Variants in CHST9 observed in about 807,000 individuals in gnomAD.
CHST9 encodes carbohydrate sulfotransferase 9.
Under a neutral mutation model 44.4 loss-of-function variants are expected in CHST9, and 41 were observed. The ratio of observed to expected loss-of-function variants is 0.92; its 90% confidence interval spans 0.72 to 1.20. CHST9 has a LOEUF of 1.20. Among genes scored for constraint, CHST9 ranks in the 50% most tolerant of loss-of-function variants. The pLI is 0.00. For missense variants in CHST9, 504 were observed against 516.5 expected (o/e 0.98, Z 0.23); for synonymous variants, 171 against 178.4 (o/e 0.96, Z 0.33).
chr18:27,089,942 C>T (rs553874365), intron 2 of CHST9, among the ~76,000 whole-genome samples: 1 of 151,880 alleles, frequency 6.6e-6, no homozygotes, highest in Non-Finnish European at 1.5e-5. Flanking sequence ...TCCCCAGTAG[C>T]TGGGACTACA....
chr18:26,971,836 TATGGATAGCTCCCAC>T (rs2056548111), intron 4 of CHST9, among the ~76,000 whole-genome samples: 1 of 151,204 alleles, frequency 6.6e-6, no homozygotes, highest in African/African-American at 2.4e-5. Flanking sequence ...CTCCCACGGC[TATGGATAGCTCCCAC>T]GACTCCCCAC....
At chr18:26,933,160 C>A (rs2055912328) in intron 5 of CHST9, 1 of 153,718 alleles carries the variant, frequency 6.5e-6, no homozygotes, top group South Asian at 2.1e-4. Flanking sequence ...CCAGTTCAGC[C>A]CAGTAACTTG....
chr18:27,111,336 G>C (rs1222381788), intron 2 of CHST9, among the ~76,000 whole-genome samples: 2 of 152,078 alleles, frequency 1.3e-5, no homozygotes, highest in African/African-American at 4.8e-5. Flanking sequence ...GACCTTACAG[G>C]GTTTTGGAAA....
chr18:26,989,711 ATCC>A (rs1477181629), intron 4 of CHST9, among the ~76,000 whole-genome samples: 1 of 152,206 alleles, frequency 6.6e-6, no homozygotes, highest in Non-Finnish European at 1.5e-5. Flanking sequence ...CATGCCTGTA[ATCC>A]CAGCACTTTT....
At chr18:27,088,535 C>T (rs891534996) in intron 2 of CHST9, among the ~76,000 whole-genome samples, 2 of 151,990 alleles carry the variant, frequency 1.3e-5, no homozygotes, top group Admixed American at 6.6e-5. Flanking sequence ...GCTGGGACTA[C>T]AGGCACGTGC....
chr18:27,009,936 G>A (rs426248), intron 4 of CHST9, among the ~76,000 whole-genome samples: 1 of 152,130 alleles, frequency 6.6e-6, no homozygotes. Context: ...GGTAAAACCA[G>A]AAGGCATAGT....
At chr18:27,061,952 A>T (rs1817607) in intron 2 of CHST9, among the ~76,000 whole-genome samples, 50,485 of 152,004 alleles carry the variant, frequency 0.33, 9,705 homozygotes, top group Non-Finnish European at 0.45. Flanking sequence ...AGGCACCAAA[A>T]CATCCACAAA....
At chr18:27,057,245 T>C (rs953379292) in intron 2 of CHST9, among the ~76,000 whole-genome samples, 8 of 152,222 alleles carry the variant, frequency 5.3e-5, no homozygotes, top group Non-Finnish European at 1.0e-4. Flanking sequence ...AAAGAAATTA[T>C]GCAAACAGGG....
chr18:27,069,714 C>CT (rs1030569730), intron 2 of CHST9, among the ~76,000 whole-genome samples: 1 of 152,114 alleles, frequency 6.6e-6, no homozygotes, highest in Non-Finnish European at 1.5e-5. Context: ...TTCATTGTGA[C>CT]TTTTTTGAAT....
chr18:27,030,865 C>T (rs1033491325), intron 3 of CHST9, among the ~76,000 whole-genome samples: 1 of 152,208 alleles, frequency 6.6e-6, no homozygotes, highest in Non-Finnish European at 1.5e-5. Flanking sequence ...ATTCCCTCAC[C>T]TTCACCTATA....
Position 26,916,743 on chromosome 18 carries a change from A to G in CHST9, c.848T>C (p.Met283Thr), listed in dbSNP as rs2055533458. Residue 283 changes from methionine (M) to threonine (T), a missense_variant, in exon 6 of 6, where the codon ATG becomes ACG. Coordinates refer to ENST00000618847, the MANE Select transcript of CHST9 (RefSeq NM_031422.6). ...YTKAVFVRDP[M>T]ERLVSAFRDK... Reference sequence around the variant, plus strand: ...CCTAAAGGCTGATACTAATCTTTCCATGGGATCACGAACAAACACAGCTTT... The same window carrying G: ...CCTAAAGGCTGATACTAATCTTTCCGTGGGATCACGAACAAACACAGCTTT... 1 of 1,613,932 alleles carries G rather than the reference A, an allele frequency of 6.2e-7. No individual in the cohort carries two copies. The highest frequency in any genetic ancestry group is 8.5e-7 in the Non-Finnish European group (1 of 1,179,862).
At position 27,048,454 on chromosome 18, in the gene CHST9, C is replaced by G. The variant is rs1216877514; in HGVS notation, c.160+11G>C. The G allele has an allele frequency of 6.2e-7, 1 of 1,602,496 alleles. No individual in the cohort carries two copies. Among genetic ancestry groups the G allele is most frequent in the Admixed American group, 1.7e-5 (1 of 58,526 alleles). On this transcript the variant is annotated intron_variant, in intron 3 of 5. Transcript: ENST00000618847. Reference sequence around the variant, plus strand: ...GGAAATAAAGCTGGAGCCCATTGGACAAAATCTTACCTGAAGTTACTTTTT... The same window carrying G: ...GGAAATAAAGCTGGAGCCCATTGGAGAAAATCTTACCTGAAGTTACTTTTT...
chr18:27,094,675 T>C (rs916049498), intron 2 of CHST9, among the ~76,000 whole-genome samples: 5 of 152,216 alleles, frequency 3.3e-5, no homozygotes, highest in Admixed American at 2.6e-4. Context: ...TAAAGTGTTA[T>C]GTTCATATAA....
intron 2 of CHST9, among the ~76,000 whole-genome samples, chr18:27,092,979 T>A (rs1003544301): frequency 3.3e-5 from 5 of 152,006 alleles, no homozygotes; most frequent in Non-Finnish European, 7.4e-5. Context: ...TGCAGTCAGG[T>A]CCCTCAGCTG....
chr18:27,078,933 T>C (rs1205738554), intron 2 of CHST9, among the ~76,000 whole-genome samples: 1 of 152,218 alleles, frequency 6.6e-6, no homozygotes, highest in Non-Finnish European at 1.5e-5. Flanking sequence ...TGAGGTTTAC[T>C]GTATTTGTAA....
At chr18:27,160,145 T>C (rs951647292) in intron 1 of CHST9, among the ~76,000 whole-genome samples, 1 of 152,132 alleles carries the variant, frequency 6.6e-6, no homozygotes, top group African/African-American at 2.4e-5. Flanking sequence ...TCCAACACTA[T>C]GTTGAATAGG....
At chr18:27,044,049 C>T (rs1364584802) in intron 3 of CHST9, among the ~76,000 whole-genome samples, 1 of 126,588 alleles carries the variant, frequency 7.9e-6, no homozygotes, top group Non-Finnish European at 1.7e-5. Flanking sequence ...CTCCTTTGGA[C>T]AGCGAGCCCT....
intron 4 of CHST9, among the ~76,000 whole-genome samples, chr18:26,956,371 AATATAC>A (rs2056325116): frequency 6.8e-6 from 1 of 147,020 alleles, no homozygotes; most frequent in Admixed American, 6.8e-5. Flanking sequence ...CATATATACA[AATATAC>A]ATATATCATA....
At chr18:27,083,655 A>T (rs1377720409) in intron 2 of CHST9, among the ~76,000 whole-genome samples, 1 of 151,896 alleles carries the variant, frequency 6.6e-6, no homozygotes, top group Admixed American at 6.6e-5. Flanking sequence ...TTCCTTTTCC[A>T]CTGACTTATT....
Sources: allele counts gnomAD v4.1 joint callset (sites outside exome capture counted in the v4.1 genomes callset), GRCh38; gene constraint gnomAD v4.1.1; transcripts MANE v1.5; gene names NCBI Gene and HGNC (gene_info 2026-07-23, HGNC 2026-07-21).